The following CSMD3 variants were observed in gnomAD, a reference collection of about 807,000 sequenced individuals.
CSMD3 encodes the protein CUB and sushi domain-containing protein 3.
Under a neutral mutation model 435.2 loss-of-function variants are expected in CSMD3, and 177 were observed. The observed-to-expected ratio is 0.41, with a 90% CI of 0.36 to 0.46. CSMD3 has a LOEUF of 0.46. Among genes scored for constraint, CSMD3 ranks in the 20% least tolerant of loss-of-function variants. The probability of loss-of-function intolerance (pLI) is 0.34; values close to 1 mark genes in which losing one functional copy is unlikely to be tolerated. For missense variants in CSMD3, 4,265 were observed against 4,504.6 expected (o/e 0.95, Z 1.52); for synonymous variants, 1,656 against 1,520.5 (o/e 1.09, Z -2.07).
chr8:113,107,347 C>T (rs545987138), intron 4 of CSMD3, among the ~76,000 whole-genome samples: 79 of 152,348 alleles, frequency 5.2e-4, no homozygotes, highest in Admixed American at 9.8e-4. Flanking sequence ...TCTTGAACTC[C>T]TGTTCTGCCT....
At chr8:112,583,491 A>G (rs1418151055) in intron 23 of CSMD3, among the ~76,000 whole-genome samples, 1 of 152,052 alleles carries the variant, frequency 6.6e-6, no homozygotes, top group African/African-American at 2.4e-5. Flanking sequence ...TAAACAAAAT[A>G]TAGTTCATAT....
intron 1 of CSMD3, among the ~76,000 whole-genome samples, chr8:113,400,095 G>A (rs2094503342): frequency 6.6e-6 from 1 of 151,834 alleles, no homozygotes; most frequent in South Asian, 2.1e-4. Flanking sequence ...AGCCAAGTTT[G>A]TATGCAATAT....
intron 9 of CSMD3, among the ~76,000 whole-genome samples, chr8:112,942,924 T>C (rs2083495790): frequency 6.6e-6 from 1 of 151,806 alleles, no homozygotes; most frequent in South Asian, 2.1e-4. Context: ...AAAGTGGCTT[T>C]ATTATTTTGC....
intron 31 of CSMD3, among the ~76,000 whole-genome samples, chr8:112,491,671 C>T (rs914540210): frequency 1.3e-5 from 2 of 152,046 alleles, no homozygotes; most frequent in African/African-American, 2.4e-5. Flanking sequence ...AAAAAGTACT[C>T]TCTCTATGTT....
chr8:113,069,352 T>C (rs1388654979), intron 5 of CSMD3, among the ~76,000 whole-genome samples: 1 of 152,120 alleles, frequency 6.6e-6, no homozygotes, highest in East Asian at 1.9e-4. Flanking sequence ...TGTCTTCTCT[T>C]TCAGTGCCCA....
intron 54 of CSMD3, among the ~76,000 whole-genome samples, chr8:112,294,753 C>T (rs1820102164): frequency 1.3e-5 from 2 of 152,010 alleles, no homozygotes; most frequent in African/African-American, 4.8e-5. Flanking sequence ...TCTAATCAAC[C>T]TAAAAGATCA....
At chr8:113,090,007 A>G (rs149506785) in intron 5 of CSMD3, among the ~76,000 whole-genome samples, 1 of 152,300 alleles carries the variant, frequency 6.6e-6, no homozygotes, top group African/African-American at 2.4e-5. Flanking sequence ...TCAGAAAAAA[A>G]AAGTTAAAGT....
chr8:112,544,491 C>G (rs1236979632), intron 27 of CSMD3, among the ~76,000 whole-genome samples: 1 of 152,148 alleles, frequency 6.6e-6, no homozygotes, highest in African/African-American at 2.4e-5. Context: ...TTACTAATTT[C>G]TGTTCACACA....
At chr8:112,613,809 C>G (rs972320653) in intron 22 of CSMD3, among the ~76,000 whole-genome samples, 2 of 152,082 alleles carry the variant, frequency 1.3e-5, no homozygotes, top group African/African-American at 4.8e-5. Flanking sequence ...GCAGATAAGA[C>G]AATAACCAAA....
At chr8:112,673,953 A>G (rs1313664774) in intron 16 of CSMD3, among the ~76,000 whole-genome samples, 1 of 151,580 alleles carries the variant, frequency 6.6e-6, no homozygotes, top group Non-Finnish European at 1.5e-5. Flanking sequence ...TTTTTTTCTA[A>G]TTACTGCCTT....
intron 13 of CSMD3, among the ~76,000 whole-genome samples, chr8:112,708,134 T>C (rs1423101165): frequency 1.3e-5 from 2 of 152,106 alleles, no homozygotes; most frequent in Middle Eastern, 3.4e-3. Context: ...ACTAGGTGAG[T>C]GTAGGGATGA....
At chr8:112,228,696 A>G (rs1044991272) in intron 70 of CSMD3, 60 bp downstream of exon 70, 16 of 1,527,880 alleles carry the variant, frequency 1.0e-5, no homozygotes, top group Admixed American at 3.3e-5. Flanking sequence ...CTAGAGCAGT[A>G]GAAATAACAT....
intron 10 of CSMD3, among the ~76,000 whole-genome samples, chr8:112,885,761 T>C (rs575189591): frequency 2.0e-5 from 3 of 151,752 alleles, no homozygotes; most frequent in Admixed American, 6.6e-5. Flanking sequence ...AAGAAAGAGA[T>C]TGGCATTCTC....
chr8:112,731,611 CT>C (rs759128822), intron 13 of CSMD3, among the ~76,000 whole-genome samples: 4 of 152,078 alleles, frequency 2.6e-5, no homozygotes, highest in Non-Finnish European at 5.9e-5. Context: ...CCCCAACCTG[CT>C]TTTTGTTTAT....
intron 27 of CSMD3, among the ~76,000 whole-genome samples, chr8:112,535,378 C>T (rs1297498767): frequency 2.6e-5 from 4 of 152,010 alleles, no homozygotes; most frequent in South Asian, 4.2e-4. Context: ...ACACCAATAA[C>T]AGACAAACAG....
chr8:112,695,632 A>G, intron 13 of CSMD3, among the ~76,000 whole-genome samples: 1 of 152,246 alleles, frequency 6.6e-6, no homozygotes, highest in East Asian at 1.9e-4. Flanking sequence ...GTCATGCTGA[A>G]TGGGCAAAAA....
At position 112,383,872 on chromosome 8, in the gene CSMD3, C is replaced by T. The variant is rs143776003; in HGVS notation, c.5935-209G>A. ...TTATATAGAAAAGCCTTTGAAGCAC[C>T]GACCAATGTTCATTGTGGGTATAAC... On this transcript the variant is annotated intron_variant, in intron 36 of 70. Coordinates refer to ENST00000297405, the MANE Select transcript of CSMD3 (RefSeq NM_198123.2). Among the ~76,000 whole-genome samples the T allele has an allele frequency of 6.6e-3, 1,001 of 152,230 alleles. 9 individuals are homozygous for T. Among genetic ancestry groups the T allele is most frequent in the African/African-American group, 0.022 (929 of 41,532 alleles).
intron 13 of CSMD3, among the ~76,000 whole-genome samples, chr8:112,746,081 A>G (rs1346243217): frequency 6.6e-6 from 1 of 152,192 alleles, no homozygotes; most frequent in African/African-American, 2.4e-5. Flanking sequence ...TATTTATCAG[A>G]TTCCCTTGCA....
At chr8:112,702,219 C>T (rs954646348) in intron 13 of CSMD3, among the ~76,000 whole-genome samples, 18 of 152,184 alleles carry the variant, frequency 1.2e-4, no homozygotes, top group Non-Finnish European at 2.4e-4. Context: ...CAACGACACA[C>T]AAATTTTAAG....
Sources: allele counts gnomAD v4.1 joint callset (sites outside exome capture counted in the v4.1 genomes callset), GRCh38; gene constraint gnomAD v4.1.1; transcripts MANE v1.5; gene names NCBI Gene and HGNC (gene_info 2026-07-23, HGNC 2026-07-21).